The following DLGAP3 variants were observed in gnomAD, a reference collection of about 807,000 sequenced individuals.
DLGAP3 encodes the protein disks large-associated protein 3.
DLGAP3 carries 17 observed loss-of-function variants against 81.2 expected under a neutral mutation model. The observed-to-expected ratio is 0.21, with a 90% CI of 0.14 to 0.31. The LOEUF is 0.31. Among genes scored for constraint, DLGAP3 ranks in the 10% least tolerant of loss-of-function variants. DLGAP3 has a pLI of 1.00. For synonymous variants in DLGAP3, 577 were observed against 587.4 expected, an observed-to-expected ratio of 0.98 and a Z score of 0.26; for missense variants, 1,124 against 1,388.0, an observed-to-expected ratio of 0.81 and a Z score of 3.02.
In DLGAP3 at chr1:34,885,697, C is replaced by A. The variant is rs922425580; in HGVS notation, c.1695G>T (p.Ala565=). 2.1e-6 allele frequency: 3 copies of A among 1,415,370 alleles called. No individual in the cohort carries two copies. The highest frequency in any genetic ancestry group is 1.5e-5 in the African/African-American group (1 of 66,260). 87.7% of individuals were successfully genotyped at this position (1,415,370 alleles called of 1,614,324 possible). A position where few individuals can be genotyped will look rare whatever the true frequency, so the allele number is the denominator to read the frequency against. ...CCTCGGCCGCCGTGAAGCTCTCGTG[C>A]GCGGAGTCGGTGCTGCTCTGGGCGG... ...SITAQSSTDS[A]HESFTAAEGP... Residue 565 remains alanine, a synonymous_variant, in exon 7 of 12, where the codon GCG becomes GCT. Coordinates refer to ENST00000373347, the MANE Select transcript of DLGAP3 (RefSeq NM_001080418.3).
intron 5 of DLGAP3, among the ~76,000 whole-genome samples, chr1:34,888,256 A>G (rs1639263815): frequency 6.6e-6 from 1 of 152,212 alleles, no homozygotes; most frequent in Non-Finnish European, 1.5e-5. Flanking sequence ...ACATGATTTC[A>G]CTGGATTCTA....
chr1:34,919,938 A>T lies in DLGAP3; in HGVS notation c.-135+9513T>A, dbSNP rs537889809. Among the ~76,000 whole-genome samples the T allele has an allele frequency of 3.9e-5, 6 of 152,284 alleles. No individual in the cohort carries two copies. In the South Asian group the frequency reaches 1.2e-3, roughly 32 times the overall value. ...CAACCCTGGGGACAAATCATTCCTA[A>T]GTCCATACTTGGCTAAGGCATCCAC... is the stretch of plus-strand genomic sequence containing the variant. On this transcript the variant is annotated intron_variant, in intron 1 of 11. Coordinates refer to ENST00000373347, the MANE Select transcript of DLGAP3 (RefSeq NM_001080418.3).
At position 34,866,166 on chromosome 1, in the gene DLGAP3, C is replaced by A. The variant is rs1329149499; in HGVS notation, c.2857G>T (p.Ala953Ser). The change falls in exon 12 of 12, where the codon GCC (alanine) becomes TCC (serine). Residue 953 changes from alanine (A) to serine (S), a missense_variant. Physicochemically the swap from Ala to Ser is moderately conservative, Grantham distance 99. This residue lies in a region of DLGAP3 where 133 missense variants were observed against 171.1 expected (regional missense o/e 0.78). Coordinates refer to ENST00000373347, the MANE Select transcript of DLGAP3 (RefSeq NM_001080418.3). Reference protein sequence around the residue: ...ARKRLLAAKRAASFRHSSATE... With the variant: ...ARKRLLAAKRSASFRHSSATE... ...GCCGAGCTGTGGCGGAAGGAAGCGGCGCGCTTGGCCGCCAGGAGCCGCTTG... is the reference window on the plus strand; with the variant it reads ...GCCGAGCTGTGGCGGAAGGAAGCGGAGCGCTTGGCCGCCAGGAGCCGCTTG... 5 of 1,595,490 alleles carry A rather than the reference C, an allele frequency of 3.1e-6. No homozygotes were observed. The highest frequency in any genetic ancestry group is 1.7e-5 in the Admixed American group (1 of 59,644).
rs556404846 is a variant in DLGAP3, at chr1:34,892,962, G to A, written c.1387-6677C>T. 5.3e-5 allele frequency among the ~76,000 whole-genome samples: 8 copies of A among 151,736 alleles called. No homozygotes were observed. In the South Asian group the frequency reaches 1.5e-3, roughly 28 times the overall value. ...CCGAGGTGGGTGGATCATGAGGTCA[G>A]GAGATCGAGACCATCCTGGCTAACA... On this transcript the variant is annotated intron_variant, in intron 5 of 11. Coordinates refer to ENST00000373347, the MANE Select transcript of DLGAP3 (RefSeq NM_001080418.3).
At position 34,865,781 on chromosome 1, in the gene DLGAP3, A is replaced by C; in HGVS notation, c.*302T>G. On this transcript the variant is annotated 3_prime_UTR_variant, in exon 12 of 12. Transcript: ENST00000373347. ...CCGGCCCGGCCTGGCCCGTGGGGGAAAGAATGGCAGAGATGGTGCCCATGG... is the reference window on the plus strand; with the variant it reads ...CCGGCCCGGCCTGGCCCGTGGGGGACAGAATGGCAGAGATGGTGCCCATGG... The C allele has an allele frequency of 1.1e-5, 5 of 455,144 alleles. No homozygotes were observed. The highest frequency in any genetic ancestry group is 4.8e-5 in the East Asian group (1 of 20,980). The allele number at this position is 455,144 out of a possible 1,614,324, so 28.2% of individuals were successfully genotyped here.
At position 34,886,103 on chromosome 1, in the gene DLGAP3, G is replaced by A. The variant is rs146470318; in HGVS notation, c.1569C>T (p.Thr523=). ...QDDDCLPLLA[T]PAAVSGRPGS... Reference sequence around the variant, plus strand: ...CGGGCCTCCCTGAGACAGCGGCAGGGGTAGCGAGGAGGGGCAGGCAGTCGT... The same window carrying A: ...CGGGCCTCCCTGAGACAGCGGCAGGAGTAGCGAGGAGGGGCAGGCAGTCGT... The change falls in exon 6 of 12, where the codon ACC becomes ACT. Residue 523 remains threonine (T), a synonymous_variant. Transcript: ENST00000373347. 71 of 1,607,092 alleles carry A rather than the reference G, an allele frequency of 4.4e-5. No individual in the cohort carries two copies. The highest frequency in any genetic ancestry group is 7.8e-5 in the South Asian group (7 of 89,690).
intron 8 of DLGAP3, among the ~76,000 whole-genome samples, chr1:34,874,215 G>C (rs1469646373): frequency 1.3e-5 from 2 of 152,144 alleles, no homozygotes; most frequent in Admixed American, 1.3e-4. Context: ...AAGATAGAAG[G>C]CTCCAGGTCC....
In DLGAP3 at chr1:34,905,238, G is replaced by A. The variant is rs780843750; in HGVS notation, c.146C>T (p.Ala49Val). The A allele has an allele frequency of 1.3e-6, 2 of 1,581,972 alleles. No homozygotes were observed. The highest frequency in any genetic ancestry group is 1.8e-5 in the Admixed American group (1 of 57,074). ...EAFSTEPRFC[A>V]PRAGLGHISP... Reference sequence around the variant, plus strand: ...AATGTGTCCCAGGCCAGCTCTCGGGGCACAGAAGCGGGGCTCGGTGGAGAA... The same window carrying A: ...AATGTGTCCCAGGCCAGCTCTCGGGACACAGAAGCGGGGCTCGGTGGAGAA... Residue 49 changes from alanine to valine, a missense_variant, in exon 3 of 12, where the codon GCC (alanine) becomes GTC (valine). Physicochemically the swap from Ala to Val is moderately conservative, Grantham distance 64. Coordinates refer to ENST00000373347, the MANE Select transcript of DLGAP3 (RefSeq NM_001080418.3).
chr1:34,899,908 G>A (rs549697108), intron 4 of DLGAP3, among the ~76,000 whole-genome samples, 160 bp downstream of exon 4: 1 of 151,886 alleles, frequency 6.6e-6, no homozygotes, highest in Non-Finnish European at 1.5e-5. Flanking sequence ...CACCAGAGAA[G>A]GACTCCCACC....
At chr1:34,911,455 A>ATTG in intron 1 of DLGAP3, among the ~76,000 whole-genome samples, 1 of 152,106 alleles carries the variant, frequency 6.6e-6, no homozygotes, top group Non-Finnish European at 1.5e-5. Context: ...TTATTGCACC[A>ATTG]AATCATCCAT....
chr1:34,881,653 C>A (rs1266947723), intron 8 of DLGAP3, among the ~76,000 whole-genome samples: 1 of 151,870 alleles, frequency 6.6e-6, no homozygotes, highest in Non-Finnish European at 1.5e-5. Flanking sequence ...CTACTGAGGC[C>A]CTGTGACTCA....
In DLGAP3 at chr1:34,904,697, GTGGTGGTGA is replaced by G. The variant is rs779307685; in HGVS notation, c.678_686del (p.His232_His234del). 4.3e-6 allele frequency: 7 copies of G among 1,613,716 alleles called. No individual in the cohort carries two copies. Among genetic ancestry groups the G allele is most frequent in the Admixed American group, 1.7e-5 (1 of 60,032 alleles). ...GCCGGGACTGGTGGTGGTGGTGATGGTGGTGGTGATGGTGGTGATGGGAGGTGTGGGGGC... is the reference window on the plus strand; with the variant it reads ...GCCGGGACTGGTGGTGGTGGTGATGGTGGTGGTGATGGGAGGTGTGGGGGC... On this transcript the variant is annotated inframe_deletion, in exon 3 of 12. Transcript: ENST00000373347. This position sits in a 1 kb window ranked among gnomAD's most constrained non-coding sequence, Gnocchi z 8.1.
At chr1:34,884,291 C>T (rs985061760) in intron 8 of DLGAP3, among the ~76,000 whole-genome samples, 2 of 151,988 alleles carry the variant, frequency 1.3e-5, no homozygotes, top group African/African-American at 2.4e-5. Context: ...TATGGCCAGC[C>T]CCTGGCAAGC....
Position 34,905,063 on chromosome 1 carries a change from G to A in DLGAP3, c.321C>T (p.Gly107=). 1 of 1,597,446 alleles carries A rather than the reference G, an allele frequency of 6.3e-7. No individual in the cohort carries two copies. Among genetic ancestry groups the A allele is most frequent in the Non-Finnish European group, 8.5e-7 (1 of 1,172,110 alleles). The change falls in exon 3 of 12, where the codon GGC becomes GGT. Residue 107 remains glycine (G), a synonymous_variant. Coordinates refer to ENST00000373347, the MANE Select transcript of DLGAP3 (RefSeq NM_001080418.3). The part of the protein sequence containing the change: ...GPFDTCEDCV[G]HPQGKGAPRL... ...GGGGGGCACCCTTGCCCTGTGGGTG[G>A]CCCACACAGTCTTCACAGGTGTCGA...
At chr1:34,916,076 C>T (rs952109395) in intron 1 of DLGAP3, among the ~76,000 whole-genome samples, 2 of 152,136 alleles carry the variant, frequency 1.3e-5, no homozygotes, top group African/African-American at 2.4e-5. Context: ...ACATGGCATA[C>T]AGTAGGTGCT....
chr1:34,905,814 G>A (rs911348504), intron 2 of DLGAP3, among the ~76,000 whole-genome samples: 3 of 151,526 alleles, frequency 2.0e-5, no homozygotes, highest in Non-Finnish European at 4.4e-5. Flanking sequence ...GATCAACCTG[G>A]GCAACCAAGC....
rs1337981843 is a variant in DLGAP3 at position 34,895,344 on chromosome 1, G to A, written c.1386+4325C>T. 1.3e-5 allele frequency among the ~76,000 whole-genome samples: 2 copies of A among 150,504 alleles called. No homozygotes were observed. The highest frequency in any genetic ancestry group is 3.0e-5 in the Non-Finnish European group (2 of 67,778). ...GATCATGCCACTGCACTCCTACCTG[G>A]GCGACAGAGCGAGACTGTCTCAAAA... On this transcript the variant is annotated intron_variant, in intron 5 of 11. Transcript: ENST00000373347. The surrounding 1 kb of genome is among the most constrained non-coding windows in gnomAD (Gnocchi z 4.5).
At position 34,915,190 on chromosome 1, in the gene DLGAP3, T is replaced by C. The variant is rs181519062; in HGVS notation, c.-134-7753A>G. On this transcript the variant is annotated intron_variant, in intron 1 of 11. Transcript: ENST00000373347. ...GCCTGAGCCTCAGTTTTCTCATCTG[T>C]AAAATGGGATCACAATACCTACCTC... is the stretch of plus-strand genomic sequence containing the variant. 9.2e-5 allele frequency among the ~76,000 whole-genome samples: 14 copies of C among 152,332 alleles called. No homozygotes were observed. The East Asian group carries it at 2.5e-3, about 27-fold the overall frequency.
At chr1:34,896,322 C>T (rs982636816) in intron 5 of DLGAP3, among the ~76,000 whole-genome samples, 18 of 152,214 alleles carry the variant, frequency 1.2e-4, no homozygotes, top group African/African-American at 3.4e-4. Flanking sequence ...TGTGGTGGCT[C>T]ATGTCTGTAA....
Sources: gnomAD v4.1 joint callset for allele counts (sites outside exome capture counted in the v4.1 genomes callset) on GRCh38, gnomAD v4.1.1 for gene constraint, gnomAD v4.1.1 regional missense constraint, Gnocchi (gnomAD v3.1) non-coding constraint, MANE v1.5 for transcripts, NCBI Gene and HGNC (gene_info 2026-07-23, HGNC 2026-07-21) for gene names.